The following KRT79 variants were observed in gnomAD, a reference collection of about 807,000 sequenced individuals.
KRT79 encodes the protein keratin 79, also known as keratin, type II cytoskeletal 79.
A neutral mutation model predicts 49.0 loss-of-function variants in KRT79; 51 were observed. That is an observed-to-expected ratio of 1.04 (90% CI 0.83 to 1.31). The LOEUF (loss-of-function observed/expected upper bound fraction) is 1.31. Among genes scored for constraint, KRT79 ranks in the 40% most tolerant of loss-of-function variants. The probability of loss-of-function intolerance (pLI) is 0.00; values close to 1 mark genes in which losing one functional copy is unlikely to be tolerated. For missense variants in KRT79, 728 were observed against 688.0 expected (o/e 1.06, Z -0.65); for synonymous variants, 312 against 286.6 (o/e 1.09, Z -0.90).
chr12:52,827,647 G>A (rs1235867148), intron 4 of KRT79, among the ~76,000 whole-genome samples: 10 of 152,100 alleles, frequency 6.6e-5, no homozygotes, highest in Admixed American at 1.3e-4. Flanking sequence ...GGATAAGCCC[G>A]GGAAACACCA....
At position 52,822,337 on chromosome 12, in the gene KRT79, A is replaced by G; in HGVS notation, c.1402+8T>C. On this transcript the variant is annotated splice_region_variant and intron_variant, in intron 8 of 8. Coordinates refer to ENST00000330553, the MANE Select transcript of KRT79 (RefSeq NM_175834.3). Reference sequence around the variant, plus strand: ...GGGTGGAGCAGGAAGTGGGGAGTAAATACTCACAAATGCTGACTGCACTGG... The same window carrying G: ...GGGTGGAGCAGGAAGTGGGGAGTAAGTACTCACAAATGCTGACTGCACTGG... 6.2e-7 allele frequency: 1 copy of G among 1,606,840 alleles called. No homozygotes were observed. Among genetic ancestry groups the G allele is most frequent in the Non-Finnish European group, 8.5e-7 (1 of 1,176,578 alleles).
intron 1 of KRT79, 134 bp from the exon 2 acceptor site, chr12:52,831,760 T>G: frequency 1.5e-6 from 1 of 680,982 alleles, no homozygotes; most frequent in Non-Finnish European, 2.5e-6. Flanking sequence ...CACTTTGCTG[T>G]GGGGAGGCAC....
intron 4 of KRT79, 54 bp from the exon 5 acceptor site, chr12:52,824,416 C>T: frequency 1.3e-6 from 2 of 1,579,980 alleles, no homozygotes; most frequent in African/African-American, 1.3e-5. Flanking sequence ...CCCCAGGAAG[C>T]ATCAGAGGGT....
chr12:52,826,837 T>C (rs967856436), intron 4 of KRT79, among the ~76,000 whole-genome samples: 1 of 152,138 alleles, frequency 6.6e-6, no homozygotes, highest in Admixed American at 6.5e-5. Flanking sequence ...AACCAGATCA[T>C]GGCATTGGTT....
Position 52,833,845 on chromosome 12 carries a change from C to A in KRT79, c.416G>T (p.Arg139Leu). The change falls in exon 1 of 9, where the codon CGC becomes CTC. Residue 139 changes from arginine (R) to leucine (L), a missense_variant. Transcript: ENST00000330553. ...CTTGATCTGCTCCCGCTCCTGAGTG[C>A]GCACTCGCTGGATCTCGGGGTCAAT... ...VEIDPEIQRV[R>L]TQEREQIKTL... is the part of the protein sequence containing the mutation. 6.2e-7 allele frequency: 1 copy of A among 1,613,950 alleles called. No homozygotes were observed. Among genetic ancestry groups the A allele is most frequent in the East Asian group, 2.2e-5 (1 of 44,842 alleles).
In KRT79 at chr12:52,821,748, G is replaced by T; in HGVS notation, c.*124C>A. ...TCCCAAGATGCAAATAGTCTGGTATGAAAATACCCTGGGTCTGAGGTCCCC... is the reference window on the plus strand; with the variant it reads ...TCCCAAGATGCAAATAGTCTGGTATTAAAATACCCTGGGTCTGAGGTCCCC... On this transcript the variant is annotated 3_prime_UTR_variant, in exon 9 of 9. Transcript: ENST00000330553. 1.2e-6 allele frequency: 1 copy of T among 825,926 alleles called. No homozygotes were observed. Among genetic ancestry groups the T allele is most frequent in the South Asian group, 1.6e-5 (1 of 61,362 alleles). 51.2% of individuals were successfully genotyped at this position (825,926 alleles called of 1,614,324 possible).
chr12:52,833,940 A>C lies in KRT79; in HGVS notation c.321T>G (p.Pro107=). 6.2e-7 allele frequency: 1 copy of C among 1,613,586 alleles called. No individual in the cohort carries two copies. Among genetic ancestry groups the C allele is most frequent in the Non-Finnish European group, 8.5e-7 (1 of 1,179,752 alleles). The change falls in exon 1 of 9, where the codon CCT becomes CCG. Residue 107 remains proline, a synonymous_variant. Coordinates refer to ENST00000330553, the MANE Select transcript of KRT79 (RefSeq NM_175834.3). ...GQGAGRQTFG[P]ACPPGGIQEV... ...CCTGGATCCCCCCAGGAGGACAAGC[A>C]GGCCCAAACGTCTGCCTGCCAGCCC...
At position 52,833,900 on chromosome 12, in the gene KRT79, G is replaced by A; in HGVS notation, c.361C>T (p.Gln121Ter). The A allele has an allele frequency of 6.2e-7, 1 of 1,613,902 alleles. No homozygotes were observed. Among genetic ancestry groups the A allele is most frequent in the Non-Finnish European group, 8.5e-7 (1 of 1,179,916 alleles). The change falls in exon 1 of 9, where the codon CAG becomes TAG. Residue 121 changes from glutamine (Q) to a stop codon, truncating the protein, a stop_gained. Coordinates refer to ENST00000330553, the MANE Select transcript of KRT79 (RefSeq NM_175834.3). LOFTEE classifies it high-confidence loss of function. Reference sequence around the variant, plus strand: ...ACATGGAGGGGGGTCAGCAGGCTCTGGTTGACAGTGACCTCCTGGATCCCC... The same window carrying A: ...ACATGGAGGGGGGTCAGCAGGCTCTAGTTGACAGTGACCTCCTGGATCCCC... Reference protein sequence around the residue: ...PGGIQEVTVNQSLLTPLHVEI... With the variant: ...PGGIQEVTVN
rs1464610366 is a variant in KRT79, at chr12:52,830,058, G to C, written c.820C>G (p.Gln274Glu). The change falls in exon 4 of 9, where the codon CAG (glutamine) becomes GAG (glutamate). Residue 274 changes from glutamine (Q) to glutamate (E), a missense_variant. Transcript: ENST00000330553. ...DLHGKVGTLT[Q>E]EIDFLQQLYE... ...AGTTGCTGCAGGAAGTCAATCTCCT[G>C]GGTCAAGGTGCCCACTTTGCCATGC... 1 of 1,614,152 alleles carries C rather than the reference G, an allele frequency of 6.2e-7. No individual in the cohort carries two copies. The highest frequency in any genetic ancestry group is 8.5e-7 in the Non-Finnish European group (1 of 1,180,028).
chr12:52,831,419 C>A lies in KRT79; in HGVS notation c.685G>T (p.Asp229Tyr), dbSNP rs1940252712. The change falls in exon 2 of 9, where the codon GAC (aspartate) becomes TAC (tyrosine). Residue 229 changes from aspartate to tyrosine, a missense_variant. Physicochemically the swap from Asp to Tyr is radical, Grantham distance 160. Transcript: ENST00000330553. The part of the protein sequence containing the change: ...ELRNVQDLVE[D>Y]FKNKYEDEIN... The stretch of plus-strand genomic sequence containing the variant: ...TGCTCTCCTCACTTGTTCTTGAAGT[C>A]CTCCACAAGGTCCTGCACGTTCCTG... 6.2e-7 allele frequency: 1 copy of A among 1,614,176 alleles called. No homozygotes were observed. The highest frequency in any genetic ancestry group is 8.5e-7 in the Non-Finnish European group (1 of 1,180,016).
intron 1 of KRT79, among the ~76,000 whole-genome samples, chr12:52,833,388 G>T (rs892181649): frequency 2.0e-5 from 3 of 152,172 alleles, no homozygotes; most frequent in Non-Finnish European, 4.4e-5. Context: ...CCTGAGCATT[G>T]TTTCCCCAGC....
rs377287337 is a variant in KRT79 at position 52,833,874 on chromosome 12, C to T, written c.387G>A (p.Val129=). 2.8e-5 allele frequency: 45 copies of T among 1,613,914 alleles called. No individual in the cohort carries two copies. Among genetic ancestry groups the T allele is most frequent in the Non-Finnish European group, 3.5e-5 (41 of 1,180,008 alleles). The stretch of plus-strand genomic sequence containing the variant: ...CTCGCTGGATCTCGGGGTCAATCTC[C>T]ACATGGAGGGGGGTCAGCAGGCTCT... ...VNQSLLTPLH[V]EIDPEIQRVR... The change falls in exon 1 of 9, where the codon GTG becomes GTA. Residue 129 remains valine, a synonymous_variant. Coordinates refer to ENST00000330553, the MANE Select transcript of KRT79 (RefSeq NM_175834.3).
Position 52,821,554 on chromosome 12 carries a change from A to T in KRT79, c.*318T>A. On this transcript the variant is annotated 3_prime_UTR_variant, in exon 9 of 9. Transcript: ENST00000330553. The stretch of plus-strand genomic sequence containing the variant: ...TGGGGAGGTTGAAGGGTCTTTGGGG[A>T]CCACTCCCAATTTCTCTCTCTCCTA... 1 of 368,132 alleles carries T rather than the reference A, an allele frequency of 2.7e-6. No individual in the cohort carries two copies. The highest frequency in any genetic ancestry group is 4.2e-5 in the Admixed American group (1 of 23,800). The allele number at this position is 368,132 out of a possible 1,614,324, so 22.8% of individuals were successfully genotyped here.
At chr12:52,823,381 G>T in intron 6 of KRT79, 145 bp from the exon 7 acceptor site, 1 of 721,006 alleles carries the variant, frequency 1.4e-6, no homozygotes, top group South Asian at 1.7e-5. Context: ...CATCTGAAGA[G>T]ATGCTATTAC....
chr12:52,824,339 G>T lies in KRT79; in HGVS notation c.879C>A (p.His293Gln). ...ACAGCACCACATTGGTGTTAGACAC[G>T]TGGGTCTGCACTTGGCTCAGCTCCT... ...YEMELSQVQT[H>Q]VSNTNVVLSM... is the part of the protein sequence containing the mutation. The change falls in exon 5 of 9, where the codon CAC becomes CAA. Residue 293 changes from histidine (H) to glutamine (Q), a missense_variant. His to Gln is a conservative substitution (Grantham distance 24, BLOSUM62 0). Coordinates refer to ENST00000330553, the MANE Select transcript of KRT79 (RefSeq NM_175834.3). 1 of 1,614,160 alleles carries T rather than the reference G, an allele frequency of 6.2e-7. No homozygotes were observed. The highest frequency in any genetic ancestry group is 8.5e-7 in the Non-Finnish European group (1 of 1,180,006).
At chr12:52,828,093 A>T (rs1565691404) in intron 4 of KRT79, among the ~76,000 whole-genome samples, 1 of 152,208 alleles carries the variant, frequency 6.6e-6, no homozygotes, top group African/African-American at 2.4e-5. Flanking sequence ...CCATAGAATG[A>T]ATTCCTAAAT....
intron 2 of KRT79, 49 bp from the exon 3 acceptor site, chr12:52,830,341 C>A: frequency 6.4e-7 from 1 of 1,557,522 alleles, no homozygotes; most frequent in Non-Finnish European, 8.9e-7. Flanking sequence ...CTCTGCCTTT[C>A]AGGCATGGGA....
At position 52,822,981 on chromosome 12, in the gene KRT79, C is replaced by A. The variant is rs1236314136; in HGVS notation, c.1367+35G>T. 2.5e-6 allele frequency: 4 copies of A among 1,602,244 alleles called. No homozygotes were observed. The African/African-American group carries it at 4.1e-5, about 16-fold the overall frequency. On this transcript the variant is annotated intron_variant, in intron 7 of 8. Transcript: ENST00000330553. ...GGGCTCTCCCCCAGGGCAGGCCCGA[C>A]CCAGCTTTCTGGGTCGGGCAGGAGG...
chr12:52,833,325 A>G (rs1940283202), intron 1 of KRT79, among the ~76,000 whole-genome samples: 1 of 152,230 alleles, frequency 6.6e-6, no homozygotes. Flanking sequence ...CAAGCCTGAA[A>G]GAATGGAACA....
Sources: allele counts gnomAD v4.1 joint callset (sites outside exome capture counted in the v4.1 genomes callset), GRCh38; gene constraint gnomAD v4.1.1; transcripts MANE v1.5; gene names NCBI Gene and HGNC (gene_info 2026-07-23, HGNC 2026-07-21).